The following GLYATL3 variants were observed in gnomAD, a reference collection of about 807,000 sequenced individuals.
The protein encoded by GLYATL3 is glycine N-acyltransferase-like protein 3.
Under a neutral mutation model 28.5 loss-of-function variants are expected in GLYATL3, and 31 were observed. The observed-to-expected ratio is 1.09, with a 90% CI of 0.82 to 1.47. The LOEUF (loss-of-function observed/expected upper bound fraction) is 1.47, where lower values mean the gene tolerates loss of function less well. Among genes scored for constraint, GLYATL3 ranks in the 40% most tolerant of loss-of-function variants. The pLI is 0.00. For synonymous variants in GLYATL3, 141 were observed against 140.2 expected, an observed-to-expected ratio of 1.01 and a Z score of -0.04; for missense variants, 369 against 351.5, an observed-to-expected ratio of 1.05 and a Z score of -0.40.
At position 49,521,856 on chromosome 6, in the gene GLYATL3, T is replaced by C. The variant is rs545616407; in HGVS notation, c.440+85T>C. On this transcript the variant is annotated intron_variant, in intron 5 of 5. Coordinates refer to ENST00000371197, the MANE Select transcript of GLYATL3 (RefSeq NM_001010904.2). The stretch of plus-strand genomic sequence containing the variant: ...CAGTAACTGGGGTACTTAGTATCAC[T>C]ATGGAATATCCAGGCACTCTGGATT... 5.8e-6 allele frequency: 7 copies of C among 1,215,582 alleles called. No individual in the cohort carries two copies. In the South Asian group the frequency reaches 1.0e-4, roughly 18 times the overall value. The allele number at this position is 1,215,582 out of a possible 1,614,324, so 75.3% of individuals were successfully genotyped here. A position where few individuals can be genotyped will look rare whatever the true frequency, so the allele number is the denominator to read the frequency against.
chr6:49,515,331 T>C (rs909411734), intron 2 of GLYATL3, among the ~76,000 whole-genome samples: 3 of 152,210 alleles, frequency 2.0e-5, no homozygotes, highest in African/African-American at 7.2e-5. Context: ...ATTCAGCAAG[T>C]ATTTACTGCT....
At chr6:49,504,782 G>A (rs114430434) in intron 1 of GLYATL3, among the ~76,000 whole-genome samples, 1,656 of 152,012 alleles carry the variant, frequency 0.011, 29 homozygotes, top group African/African-American at 0.037. Flanking sequence ...TCTGTTTTGC[G>A]CTCACTAAGA....
intron 1 of GLYATL3, among the ~76,000 whole-genome samples, chr6:49,507,561 A>C (rs1769032349): frequency 6.6e-6 from 1 of 152,158 alleles, no homozygotes; most frequent in South Asian, 2.1e-4. Flanking sequence ...ACCTGAAAAG[A>C]GGGGAGAGTT....
At chr6:49,524,227 A>G (rs1769363436) in intron 5 of GLYATL3, among the ~76,000 whole-genome samples, 1 of 137,130 alleles carries the variant, frequency 7.3e-6, no homozygotes, top group Non-Finnish European at 1.6e-5. Flanking sequence ...ACTCAATTGA[A>G]AATTCCATTA....
At chr6:49,500,362 T>C (rs1476935039) in intron 1 of GLYATL3, among the ~76,000 whole-genome samples, 2 of 152,130 alleles carry the variant, frequency 1.3e-5, no homozygotes, top group Non-Finnish European at 2.9e-5. Context: ...AATCCTAACA[T>C]ATGAAAAATA....
chr6:49,503,587 G>GA (rs1768953430), intron 1 of GLYATL3, among the ~76,000 whole-genome samples: 1 of 152,086 alleles, frequency 6.6e-6, no homozygotes, highest in African/African-American at 2.4e-5. Flanking sequence ...TGACCTTTAG[G>GA]AGCCCAATCA....
chr6:49,501,081 G>A (rs1056344471), intron 1 of GLYATL3, among the ~76,000 whole-genome samples: 7 of 152,178 alleles, frequency 4.6e-5, no homozygotes, highest in African/African-American at 1.4e-4. Context: ...GTAAGTTGAA[G>A]CCAATTAAGT....
chr6:49,514,687 A>T (rs1191094625), intron 2 of GLYATL3, among the ~76,000 whole-genome samples: 1 of 152,092 alleles, frequency 6.6e-6, no homozygotes, highest in South Asian at 2.1e-4. Context: ...TTTTTTAATT[A>T]TCCAGGTGTG....
chr6:49,527,163 A>G lies in GLYATL3; in HGVS notation c.*249A>G, dbSNP rs923706979. The G allele has an allele frequency of 2.3e-6, 1 of 444,348 alleles. No individual in the cohort carries two copies. Among genetic ancestry groups the G allele is most frequent in the East Asian group, 3.5e-5 (1 of 28,714 alleles). 27.5% of individuals were successfully genotyped at this position (444,348 alleles called of 1,614,324 possible). A position where few individuals can be genotyped will look rare whatever the true frequency, so the allele number is the denominator to read the frequency against. ...GGACGATTGTCCTCCTGTAGGATCCACTGTAGGAGAATAGGTTCTAAAGCC... is the reference window on the plus strand; with the variant it reads ...GGACGATTGTCCTCCTGTAGGATCCGCTGTAGGAGAATAGGTTCTAAAGCC... On this transcript the variant is annotated 3_prime_UTR_variant, in exon 6 of 6. Coordinates refer to ENST00000371197, the MANE Select transcript of GLYATL3 (RefSeq NM_001010904.2).
intron 2 of GLYATL3, among the ~76,000 whole-genome samples, chr6:49,512,666 C>T (rs9463494): frequency 0.031 from 4,766 of 152,098 alleles, 233 homozygotes; most frequent in African/African-American, 0.1. Flanking sequence ...AGTGAAATTG[C>T]CTTTAAGAGC....
intron 1 of GLYATL3, among the ~76,000 whole-genome samples, chr6:49,508,247 G>A (rs899087976): frequency 1.3e-5 from 2 of 152,140 alleles, no homozygotes; most frequent in African/African-American, 4.8e-5. Flanking sequence ...ACTGAGCCGA[G>A]ATCGCACCAC....
chr6:49,521,325 G>A (rs550891947), intron 4 of GLYATL3, among the ~76,000 whole-genome samples: 1 of 152,244 alleles, frequency 6.6e-6, no homozygotes, highest in South Asian at 2.1e-4. Context: ...TGGAGCTTAA[G>A]GTTAGTCCGA....
chr6:49,512,359 G>A (rs938025335), intron 2 of GLYATL3, among the ~76,000 whole-genome samples: 1 of 140,254 alleles, frequency 7.1e-6, no homozygotes, highest in Non-Finnish European at 1.5e-5. Flanking sequence ...AAGTATACAT[G>A]TGCCATGGTG....
chr6:49,526,446 T>A (rs1190064383), intron 5 of GLYATL3, 42 bp from the exon 6 acceptor site: 1 of 1,487,064 alleles, frequency 6.7e-7, no homozygotes. Flanking sequence ...TATAACCACA[T>A]GAGTCTGAGG....
chr6:49,513,884 C>T, intron 2 of GLYATL3, among the ~76,000 whole-genome samples: 1 of 152,118 alleles, frequency 6.6e-6, no homozygotes, highest in East Asian at 1.9e-4. Flanking sequence ...GCAGTAGGTT[C>T]ATTTGAGCCC....
chr6:49,521,828 TAGCAGTA>T, intron 5 of GLYATL3, 57 bp downstream of exon 5: 1 of 1,445,320 alleles, frequency 6.9e-7, no homozygotes, highest in Non-Finnish European at 9.4e-7. Context: ...GAAGTACACG[TAGCAGTA>T]ACTGGGGTAC....
intron 2 of GLYATL3, among the ~76,000 whole-genome samples, chr6:49,512,351 G>A (rs1208786722): frequency 4.3e-5 from 6 of 140,416 alleles, no homozygotes; most frequent in Non-Finnish European, 9.0e-5. Flanking sequence ...TGTTACATAA[G>A]TATACATGTG....
At chr6:49,512,186 T>TA in intron 2 of GLYATL3, 118 bp downstream of exon 2, 1 of 492,042 alleles carries the variant, frequency 2.0e-6, no homozygotes, top group Non-Finnish European at 3.5e-6. Flanking sequence ...GAGCACTTGT[T>TA]AAACATACAG....
intron 4 of GLYATL3, among the ~76,000 whole-genome samples, chr6:49,518,507 T>C (rs1021428746): frequency 2.6e-5 from 4 of 152,184 alleles, no homozygotes; most frequent in African/African-American, 7.2e-5. Flanking sequence ...GAACCTCATA[T>C]TGGAAATCTA....
Sources: allele counts gnomAD v4.1 joint callset (sites outside exome capture counted in the v4.1 genomes callset), GRCh38; gene constraint gnomAD v4.1.1; transcripts MANE v1.5; gene names NCBI Gene and HGNC (gene_info 2026-07-23, HGNC 2026-07-21).